CMTR1: variants seen among roughly 807,000 people sequenced by gnomAD.
The protein encoded by CMTR1 is cap-specific mRNA (nucleoside-2'-O-)-methyltransferase 1.
A neutral mutation model predicts 107.0 loss-of-function variants in CMTR1; 39 were observed. That is an observed-to-expected ratio of 0.36 (90% CI 0.28 to 0.48). The LOEUF (loss-of-function observed/expected upper bound fraction) is 0.48, where lower values mean the gene tolerates loss of function less well. Ranked by LOEUF, CMTR1 falls within the 20% of genes least tolerant of loss-of-function variation. The pLI, the probability that CMTR1 is intolerant of heterozygous loss-of-function variation, is 0.99. For synonymous variants in CMTR1, 366 were observed against 379.5 expected (o/e 0.96, Z 0.41); for missense variants, 672 against 1,064.9 (o/e 0.63, Z 5.14).
chr6:37,451,566 A>G (rs750140723), intron 5 of CMTR1, among the ~76,000 whole-genome samples: 1 of 152,106 alleles, frequency 6.6e-6, no homozygotes, highest in Non-Finnish European at 1.5e-5. Context: ...TCTTGTGTCC[A>G]TATGGTGCTC....
chr6:37,475,439 G>T (rs1439541369), intron 19 of CMTR1, 27 bp downstream of exon 19: 3 of 1,547,614 alleles, frequency 1.9e-6, no homozygotes, highest in South Asian at 2.2e-5. Context: ...AGGGTAGGGA[G>T]GGTGGGGGTA....
chr6:37,436,699 A>G (rs1382320055), intron 2 of CMTR1, among the ~76,000 whole-genome samples: 3 of 151,882 alleles, frequency 2.0e-5, no homozygotes, highest in Non-Finnish European at 4.4e-5. Flanking sequence ...TCTTATAAGG[A>G]CATCGGTCAT....
chr6:37,451,040 ACT>A (rs1296457319), intron 5 of CMTR1, among the ~76,000 whole-genome samples: 1 of 150,910 alleles, frequency 6.6e-6, no homozygotes, highest in East Asian at 1.9e-4. Flanking sequence ...AAACAGTACC[ACT>A]CTCCTCACTC....
At chr6:37,456,141 T>C (rs558510314) in intron 8 of CMTR1, among the ~76,000 whole-genome samples, 1 of 152,218 alleles carries the variant, frequency 6.6e-6, no homozygotes, top group Non-Finnish European at 1.5e-5. Context: ...GACCAGTGGT[T>C]CACTTAGAGG....
In CMTR1 at chr6:37,458,415, G is replaced by A. The variant is rs1761339777; in HGVS notation, c.778-197G>A. The stretch of plus-strand genomic sequence containing the variant: ...CCTGGTGATGTGATAGGCATTGTGG[G>A]TATTTTGAGGGTGGGTGAGGCAACA... On this transcript the variant is annotated intron_variant, in intron 8 of 23. Coordinates refer to ENST00000373451, the MANE Select transcript of CMTR1 (RefSeq NM_015050.3). This position sits in a 1 kb window ranked among gnomAD's most constrained non-coding sequence, Gnocchi z 4.7. Among the ~76,000 whole-genome samples, 1 of 152,144 alleles carries A rather than the reference G, an allele frequency of 6.6e-6. No homozygotes were observed. Among genetic ancestry groups the A allele is most frequent in the African/African-American group, 2.4e-5 (1 of 41,426 alleles).
chr6:37,479,164 T>C lies in CMTR1; in HGVS notation c.2284T>C (p.Phe762Leu), dbSNP rs748787971. 1.2e-6 allele frequency: 2 copies of C among 1,613,854 alleles called. No homozygotes were observed. Among genetic ancestry groups the C allele is most frequent in the Non-Finnish European group, 1.7e-6 (2 of 1,179,874 alleles). ...CCCATCAGAGCCCTGGACTATGGGA[T>C]TCAGCAAAAGCTTCAAGAAGAAGTT... ...RTVNEPWTMGFSKSFKKKFFY... is the reference protein window; with the variant it reads ...RTVNEPWTMGLSKSFKKKFFY... The change falls in exon 23 of 24, where the codon TTC becomes CTC. Residue 762 changes from phenylalanine (F) to leucine (L), a missense_variant. By Grantham distance (22) the Phe-to-Leu change is conservative (BLOSUM62 0). This residue lies in a region of CMTR1 where 583 missense variants were observed against 968.4 expected (regional missense o/e 0.60). Transcript: ENST00000373451.
intron 10 of CMTR1, among the ~76,000 whole-genome samples, chr6:37,461,092 T>C (rs1268380879): frequency 6.6e-6 from 1 of 152,192 alleles, no homozygotes; most frequent in East Asian, 1.9e-4. Context: ...AAGTTAACTT[T>C]TCTCCTTCAC....
At chr6:37,463,124 C>A (rs1761435931) in intron 13 of CMTR1, 116 bp downstream of exon 13, 3 of 1,107,726 alleles carry the variant, frequency 2.7e-6, no homozygotes, top group African/African-American at 3.1e-5. Flanking sequence ...AAATTGGCAA[C>A]TGGGTTTGGT....
chr6:37,461,470 G>A (rs1461003421), intron 10 of CMTR1, 79 bp from the exon 11 acceptor site: 4 of 733,864 alleles, frequency 5.5e-6, no homozygotes, highest in Middle Eastern at 2.5e-4. Context: ...AAGAACTCTC[G>A]ATGAAGATGA....
intron 11 of CMTR1, 46 bp downstream of exon 11, chr6:37,461,691 G>T (rs1033664299): frequency 2.3e-6 from 3 of 1,284,636 alleles, no homozygotes; most frequent in African/African-American, 3.0e-5. Flanking sequence ...CCACTTAGAG[G>T]CCCTATTGGA....
chr6:37,462,313 T>A (rs769017306), intron 12 of CMTR1, among the ~76,000 whole-genome samples: 3 of 152,122 alleles, frequency 2.0e-5, no homozygotes, highest in African/African-American at 7.2e-5. Context: ...AGCCTTATGC[T>A]CCATGCTTAT....
rs762041897 is a variant in CMTR1, at chr6:37,480,060, G to C, written c.2423G>C (p.Arg808Pro). ...TTCTGGGAGTGGGGGGATGGCATTCGTGTGCATGACTCCCAGAAGCCCCAG... is the reference window on the plus strand; with the variant it reads ...TTCTGGGAGTGGGGGGATGGCATTCCTGTGCATGACTCCCAGAAGCCCCAG... ...RLFWEWGDGI[R>P]VHDSQKPQDQ... Residue 808 changes from arginine to proline, a missense_variant, in exon 24 of 24, where the codon CGT (arginine) becomes CCT (proline). Around this residue, in one of 2 missense-constraint regions of CMTR1, gnomAD observed 583 missense variants for 968.4 expected, o/e 0.60. Coordinates refer to ENST00000373451, the MANE Select transcript of CMTR1 (RefSeq NM_015050.3). 4 of 1,582,404 alleles carry C rather than the reference G, an allele frequency of 2.5e-6. No homozygotes were observed. Among genetic ancestry groups the C allele is most frequent in the Non-Finnish European group, 2.6e-6 (3 of 1,168,612 alleles).
the CMTR1 span, among the ~76,000 whole-genome samples, chr6:37,428,028 G>GAA: frequency 7.1e-6 from 1 of 140,950 alleles, no homozygotes; most frequent in Non-Finnish European, 1.5e-5. Context: ...GAGAGAGAGA[G>GAA]AGAGAGAGAG....
chr6:37,467,274 A>G (rs935384426), intron 13 of CMTR1, among the ~76,000 whole-genome samples: 1 of 152,178 alleles, frequency 6.6e-6, no homozygotes, highest in Non-Finnish European at 1.5e-5. Context: ...TCTTTGATTC[A>G]TAGATTATGT....
upstream of CMTR1, among the ~76,000 whole-genome samples, chr6:37,431,286 T>A (rs1383363078): frequency 6.6e-6 from 1 of 152,178 alleles, no homozygotes; most frequent in Admixed American, 6.5e-5. Context: ...AATGGGTCCA[T>A]AAGCTCTACA....
chr6:37,471,194 C>T (rs1170837623), intron 14 of CMTR1, 117 bp downstream of exon 14: 7 of 869,642 alleles, frequency 8.0e-6, no homozygotes, highest in African/African-American at 1.7e-5. Flanking sequence ...CTGCTTTTTT[C>T]TCATACTCTG....
At chr6:37,460,207 A>G (rs1225399680) in intron 10 of CMTR1, among the ~76,000 whole-genome samples, 1 of 152,264 alleles carries the variant, frequency 6.6e-6, no homozygotes, top group Non-Finnish European at 1.5e-5. Context: ...CAGCTGCTCC[A>G]GGATCATATA....
intron 13 of CMTR1, among the ~76,000 whole-genome samples, chr6:37,464,854 T>C (rs980252405): frequency 6.6e-6 from 1 of 152,082 alleles, no homozygotes; most frequent in Admixed American, 6.5e-5. Context: ...AGAGGAGATG[T>C]ATGTTTATTT....
At chr6:37,468,276 C>T (rs1031226027) in intron 13 of CMTR1, among the ~76,000 whole-genome samples, 1 of 151,992 alleles carries the variant, frequency 6.6e-6, no homozygotes, top group Admixed American at 6.6e-5. Flanking sequence ...AAGAACCTTA[C>T]AACACGATAC....
Sources: allele counts gnomAD v4.1 joint callset (sites outside exome capture counted in the v4.1 genomes callset), GRCh38; gene constraint gnomAD v4.1.1; regional missense constraint gnomAD v4.1.1; non-coding constraint Gnocchi (gnomAD v3.1); transcripts MANE v1.5; gene names NCBI Gene and HGNC (gene_info 2026-07-23, HGNC 2026-07-21).